The following MEGF11 variants were observed in gnomAD, a reference collection of about 807,000 sequenced individuals.
The protein encoded by MEGF11 is multiple EGF like domains 11.
Under a neutral mutation model 146.6 loss-of-function variants are expected in MEGF11, and 126 were observed. The ratio of observed to expected loss-of-function variants is 0.86; its 90% CI spans 0.74 to 1.00. The LOEUF is 1.00. Among genes scored for constraint, MEGF11 ranks in the 50% least tolerant of loss-of-function variants. The pLI, the probability that MEGF11 is intolerant of heterozygous loss-of-function variation, is 0.00. For missense variants in MEGF11, 1,509 were observed against 1,521.2 expected (o/e 0.99, Z 0.13); for synonymous variants, 532 against 583.4 (o/e 0.91, Z 1.27).
intron 1 of MEGF11, among the ~76,000 whole-genome samples, chr15:66,168,262 C>T (rs983861792): frequency 6.6e-6 from 1 of 152,018 alleles, no homozygotes; most frequent in Non-Finnish European, 1.5e-5. Context: ...ATGTTTTTGC[C>T]TTAACTCCCT....
intron 1 of MEGF11, among the ~76,000 whole-genome samples, chr15:66,213,163 C>T (rs2091505227): frequency 6.6e-6 from 1 of 152,178 alleles, no homozygotes; most frequent in African/African-American, 2.4e-5. Flanking sequence ...CCACCTCATC[C>T]TCTCCTGCTC....
intron 5 of MEGF11, among the ~76,000 whole-genome samples, chr15:66,087,125 C>T (rs1219023278): frequency 6.6e-6 from 1 of 152,168 alleles, no homozygotes; most frequent in Non-Finnish European, 1.5e-5. Flanking sequence ...GAAAATATCA[C>T]AATCCTAAAC....
chr15:66,120,279 C>A (rs1041728326), intron 3 of MEGF11, among the ~76,000 whole-genome samples: 1 of 152,180 alleles, frequency 6.6e-6, no homozygotes, highest in Non-Finnish European at 1.5e-5. Flanking sequence ...CTTCTTCACA[C>A]GGACAGTCAA....
chr15:65,913,598 G>T, intron 20 of MEGF11, 139 bp downstream of exon 20: 1 of 743,050 alleles, frequency 1.3e-6, no homozygotes, highest in Non-Finnish European at 2.3e-6. Context: ...GTAGGCTCCT[G>T]CTCCCCATCC....
Position 65,980,787 on chromosome 15 carries a change from T to G in MEGF11, c.753A>C (p.Pro251=). ...HHITGECACP[P]GWTGAVCAQP... ...CTTTGGGCCCACTTACCGTCCAGCC[T>G]GGGGGGCAGGCACACTCGCCAGTGA... The change falls in exon 7 of 26, where the codon CCA becomes CCC. Residue 251 remains proline, a synonymous_variant. Coordinates refer to ENST00000395614, the MANE Select transcript of MEGF11 (RefSeq NM_001385028.1). 6.2e-7 allele frequency: 1 copy of G among 1,604,762 alleles called. No individual in the cohort carries two copies. The highest frequency in any genetic ancestry group is 8.5e-7 in the Non-Finnish European group (1 of 1,175,886).
intron 4 of MEGF11, among the ~76,000 whole-genome samples, chr15:66,109,378 G>C (rs557116076): frequency 4.5e-4 from 68 of 152,220 alleles, no homozygotes; most frequent in Middle Eastern, 3.4e-3. Context: ...CCCACGTCTC[G>C]CCTTTGCTCA....
intron 1 of MEGF11, among the ~76,000 whole-genome samples, chr15:66,187,258 C>T (rs928758770): frequency 6.6e-6 from 1 of 152,254 alleles, no homozygotes; most frequent in Non-Finnish European, 1.5e-5. Flanking sequence ...CCTGGCCAAG[C>T]ACTTCTCTGT....
At chr15:66,155,826 C>T (rs373043889) in intron 1 of MEGF11, among the ~76,000 whole-genome samples, 6 of 152,354 alleles carry the variant, frequency 3.9e-5, no homozygotes, top group South Asian at 4.1e-4. Flanking sequence ...CACTCCACTG[C>T]TGCAGCCCGC....
chr15:65,972,331 T>C (rs1318733522), intron 7 of MEGF11, among the ~76,000 whole-genome samples: 1 of 152,170 alleles, frequency 6.6e-6, no homozygotes. Context: ...TTAGCAAAAA[T>C]ATAAAACAAG....
At chr15:66,050,830 C>T (rs1311368322) in intron 5 of MEGF11, among the ~76,000 whole-genome samples, 2 of 152,256 alleles carry the variant, frequency 1.3e-5, no homozygotes, top group Admixed American at 6.5e-5. Context: ...CCATATGTGC[C>T]AGGGATCAGC....
At chr15:66,000,981 C>CT (rs959977674) in intron 5 of MEGF11, among the ~76,000 whole-genome samples, 1 of 152,098 alleles carries the variant, frequency 6.6e-6, no homozygotes, top group Admixed American at 6.5e-5. Context: ...GGGCAAAAGG[C>CT]TGGAGGCAGA....
chr15:66,112,219 A>C (rs78247694), intron 4 of MEGF11, among the ~76,000 whole-genome samples: 1 of 152,296 alleles, frequency 6.6e-6, no homozygotes, highest in Non-Finnish European at 1.5e-5. Context: ...TCTGAAAGAG[A>C]CTATAAAAGA....
intron 5 of MEGF11, among the ~76,000 whole-genome samples, chr15:65,986,025 C>T (rs1467274361): frequency 2.0e-5 from 3 of 150,900 alleles, no homozygotes; most frequent in Non-Finnish European, 4.4e-5. Context: ...GATCTCAGCT[C>T]ACTGCAACCT....
chr15:65,943,678 T>C (rs2080087566), intron 10 of MEGF11, among the ~76,000 whole-genome samples: 1 of 152,064 alleles, frequency 6.6e-6, no homozygotes, highest in Admixed American at 6.5e-5. Flanking sequence ...GAGTTTGGTA[T>C]GTGTGTGTGA....
At chr15:66,154,890 C>T (rs2089699094) in intron 1 of MEGF11, among the ~76,000 whole-genome samples, 1 of 152,220 alleles carries the variant, frequency 6.6e-6, no homozygotes, top group Non-Finnish European at 1.5e-5. Context: ...TCAATATTTG[C>T]ACAACCTTCA....
At chr15:65,956,089 A>C (rs2080623693) in intron 10 of MEGF11, among the ~76,000 whole-genome samples, 1 of 152,072 alleles carries the variant, frequency 6.6e-6, no homozygotes, top group Non-Finnish European at 1.5e-5. Flanking sequence ...TTAGCAGCAC[A>C]CTGGCCTCAG....
intron 4 of MEGF11, among the ~76,000 whole-genome samples, chr15:66,103,061 G>A (rs909519638): frequency 2.0e-5 from 3 of 152,202 alleles, no homozygotes; most frequent in Admixed American, 6.5e-5. Context: ...ATTAACAATA[G>A]GGTTCCCCAG....
chr15:65,987,508 A>G (rs2081904801), intron 5 of MEGF11, among the ~76,000 whole-genome samples: 1 of 152,184 alleles, frequency 6.6e-6, no homozygotes, highest in Non-Finnish European at 1.5e-5. Context: ...GGTAAAAGAT[A>G]TATAGCATAC....
chr15:65,955,761 AATATATATATAT>A (rs1229131259), intron 10 of MEGF11, among the ~76,000 whole-genome samples: 1 of 14,712 alleles, frequency 6.8e-5, no homozygotes, highest in African/African-American at 2.8e-4. Flanking sequence ...AAAAAAAAAA[AATATATATATAT>A]ATATATATAT....
Sources: allele counts gnomAD v4.1 joint callset (sites outside exome capture counted in the v4.1 genomes callset), GRCh38; gene constraint gnomAD v4.1.1; transcripts MANE v1.5; gene names NCBI Gene and HGNC (gene_info 2026-07-23, HGNC 2026-07-21).